ALK: variants seen among roughly 807,000 people sequenced by gnomAD.
ALK encodes the protein ALK tyrosine kinase receptor.
Under a neutral mutation model 163.1 loss-of-function variants are expected in ALK, and 74 were observed. The observed-to-expected ratio is 0.45, with a 90% confidence interval of 0.38 to 0.55. The LOEUF (loss-of-function observed/expected upper bound fraction) is 0.55. ALK is among the 20% of genes least tolerant of loss of function. The probability of loss-of-function intolerance (pLI) is 0.00; values close to 1 mark genes in which losing one functional copy is unlikely to be tolerated. For synonymous variants in ALK, 960 were observed against 843.2 expected, an observed-to-expected ratio of 1.14 and a Z score of -2.40; for missense variants, 2,063 against 2,105.3, an observed-to-expected ratio of 0.98 and a Z score of 0.39.
chr2:29,799,857 T>C (rs1664420043), intron 1 of ALK, among the ~76,000 whole-genome samples: 1 of 152,084 alleles, frequency 6.6e-6, no homozygotes, highest in African/African-American at 2.4e-5. Flanking sequence ...GATCAAGAAA[T>C]GCAAAACTAG....
intron 4 of ALK, among the ~76,000 whole-genome samples, chr2:29,527,054 G>A (rs1033186306): frequency 2.6e-5 from 4 of 152,200 alleles, no homozygotes; most frequent in African/African-American, 9.7e-5. Flanking sequence ...TCTGAGGATA[G>A]GTTGCTGGCA....
intron 4 of ALK, among the ~76,000 whole-genome samples, chr2:29,439,233 T>C (rs1046063271): frequency 7.2e-5 from 11 of 152,154 alleles, no homozygotes; most frequent in African/African-American, 2.4e-4. Flanking sequence ...CTGCTTTAAA[T>C]AGAACAGGTG....
At chr2:29,456,141 G>A (rs1193038382) in intron 4 of ALK, among the ~76,000 whole-genome samples, 1 of 152,148 alleles carries the variant, frequency 6.6e-6, no homozygotes, top group African/African-American at 2.4e-5. Context: ...TGGTGCAGGG[G>A]CTGTGGAAAA....
chr2:29,881,267 C>T (rs938744285), intron 1 of ALK, among the ~76,000 whole-genome samples: 1 of 152,224 alleles, frequency 6.6e-6, no homozygotes, highest in Non-Finnish European at 1.5e-5. Flanking sequence ...AAGGAAGCAG[C>T]AGGCTGCTCC....
chr2:29,665,211 T>C (rs1434564078), intron 3 of ALK, among the ~76,000 whole-genome samples: 1 of 151,830 alleles, frequency 6.6e-6, no homozygotes, highest in Non-Finnish European at 1.5e-5. Flanking sequence ...GATCTCAAAC[T>C]CCTGGACTCA....
At chr2:29,854,446 T>G (rs976490283) in intron 1 of ALK, among the ~76,000 whole-genome samples, 1 of 152,112 alleles carries the variant, frequency 6.6e-6, no homozygotes, top group African/African-American at 2.4e-5. Flanking sequence ...TTTTACCACA[T>G]GATATGCTGG....
At chr2:29,718,068 C>T (rs1295879106) in intron 1 of ALK, among the ~76,000 whole-genome samples, 1 of 152,212 alleles carries the variant, frequency 6.6e-6, no homozygotes, top group Non-Finnish European at 1.5e-5. Flanking sequence ...CCAGATAATG[C>T]CTCCATCCCT....
At chr2:29,870,056 T>C (rs1202770952) in intron 1 of ALK, among the ~76,000 whole-genome samples, 1 of 152,202 alleles carries the variant, frequency 6.6e-6, no homozygotes, top group Non-Finnish European at 1.5e-5. Flanking sequence ...GTCTCATACA[T>C]TGCTGGTAGA....
intron 1 of ALK, among the ~76,000 whole-genome samples, chr2:29,884,526 G>A (rs1309510293): frequency 2.0e-5 from 3 of 152,078 alleles, no homozygotes; most frequent in Non-Finnish European, 2.9e-5. Flanking sequence ...CTTGCACTTT[G>A]GGGTAAATAC....
At chr2:29,429,005 C>T (rs377706384) in intron 4 of ALK, among the ~76,000 whole-genome samples, 1 of 151,990 alleles carries the variant, frequency 6.6e-6, no homozygotes, top group Non-Finnish European at 1.5e-5. Context: ...AACAAAACCA[C>T]AGCATCATCT....
At chr2:29,220,948 G>T (rs1200237471) in intron 22 of ALK, 113 bp from the exon 23 acceptor site, 2 of 1,462,284 alleles carry the variant, frequency 1.4e-6, no homozygotes, top group South Asian at 1.2e-5. Context: ...ATGTATAAAG[G>T]CATTCTGTAA....
rs13019361 is a variant in ALK, at chr2:29,750,701, C to A, written c.668-33004G>T. Among the ~76,000 whole-genome samples the A allele has an allele frequency of 7.9e-3, 763 of 96,068 alleles. 7 individuals are homozygous for A. The highest frequency in any genetic ancestry group is 0.012 in the Middle Eastern group (2 of 170). The allele number at this position is 96,068 out of a possible 152,430, so 63.0% of individuals were successfully genotyped here. A position where few individuals can be genotyped will look rare whatever the true frequency, so the allele number is the denominator to read the frequency against. On this transcript the variant is annotated intron_variant, in intron 1 of 28. Coordinates refer to ENST00000389048, the MANE Select transcript of ALK (RefSeq NM_004304.5). ...GAAGGAAGGAAGGAAGGAAGGAAGG[C>A]AGGCAGGCAGGAAGGAAGGAAGGAA...
rs935281558 is a variant in ALK, at chr2:29,700,632, G to A, written c.788-5618C>T. Among the ~76,000 whole-genome samples the A allele has an allele frequency of 3.9e-5, 6 of 152,320 alleles. No individual in the cohort carries two copies. The East Asian group carries it at 5.8e-4, about 15-fold the overall frequency. On this transcript the variant is annotated intron_variant, in intron 2 of 28. Coordinates refer to ENST00000389048, the MANE Select transcript of ALK (RefSeq NM_004304.5). ...AGTGTGTGTGCACACACCTGCATGT[G>A]TGTGTGTGTGTTCATGCATTTTTAT...
At chr2:29,770,656 A>T (rs1339995523) in intron 1 of ALK, among the ~76,000 whole-genome samples, 1 of 152,214 alleles carries the variant, frequency 6.6e-6, no homozygotes, top group African/African-American at 2.4e-5. Context: ...TGGATAATAT[A>T]AAAAAATTAT....
At chr2:29,670,650 C>T (rs1055002826) in intron 3 of ALK, among the ~76,000 whole-genome samples, 1 of 151,952 alleles carries the variant, frequency 6.6e-6, no homozygotes, top group Non-Finnish European at 1.5e-5. Flanking sequence ...TAGATTTGGT[C>T]TTTGGAGATA....
rs1665344950 is a variant in ALK at position 29,830,712 on chromosome 2, T to TAAAAAAAAAAAAA, written c.667+89280_667+89281insTTTTTTTTTTTTT. On this transcript the variant is annotated intron_variant, in intron 1 of 28. Transcript: ENST00000389048. ...AGCAAGACCCTGTCTCTAAAATAGT[T>TAAAAAAAAAAAAA]TAAAAAAAAAAAAAAAAAAAAAAAA... Among the ~76,000 whole-genome samples, 3 of 63,512 alleles carry TAAAAAAAAAAAAA rather than the reference T, an allele frequency of 4.7e-5. 1 individual carries two copies. The highest frequency in any genetic ancestry group is 1.9e-4 in the African/African-American group (3 of 16,046). 41.7% of individuals were successfully genotyped at this position (63,512 alleles called of 152,430 possible). A position where few individuals can be genotyped will look rare whatever the true frequency, so the allele number is the denominator to read the frequency against.
At chr2:29,858,604 G>A (rs1390460223) in intron 1 of ALK, among the ~76,000 whole-genome samples, 16 of 151,802 alleles carry the variant, frequency 1.1e-4, no homozygotes, top group East Asian at 5.8e-4. Flanking sequence ...TTAGCCGCTC[G>A]TGGTGGCGCA....
chr2:29,296,453 C>G (rs1261726847), intron 9 of ALK, among the ~76,000 whole-genome samples: 1 of 152,196 alleles, frequency 6.6e-6, no homozygotes, highest in Non-Finnish European at 1.5e-5. Flanking sequence ...GATGATAAGG[C>G]CTGTCCTACC....
intron 4 of ALK, among the ~76,000 whole-genome samples, chr2:29,528,452 C>CCA (rs1211064764): frequency 6.6e-6 from 1 of 152,166 alleles, no homozygotes; most frequent in African/African-American, 2.4e-5. Flanking sequence ...GCTGGATCTG[C>CCA]CACTAGCGAT....
Sources: gnomAD v4.1 joint callset for allele counts (sites outside exome capture counted in the v4.1 genomes callset) on GRCh38, gnomAD v4.1.1 for gene constraint, MANE v1.5 for transcripts, NCBI Gene and HGNC (gene_info 2026-07-23, HGNC 2026-07-21) for gene names.